FMO2: variants seen among roughly 807,000 people sequenced by gnomAD.
FMO2 encodes the protein flavin-containing monooxygenase 2.
A neutral mutation model predicts 41.6 loss-of-function variants in FMO2; 33 were observed. The observed-to-expected ratio is 0.79, with a 90% CI of 0.60 to 1.06. FMO2 has a LOEUF of 1.06. FMO2 is among the 50% of genes least tolerant of loss of function. The pLI is 0.00. For synonymous variants in FMO2, 214 were observed against 219.6 expected, an observed-to-expected ratio of 0.97 and a Z score of 0.23; for missense variants, 619 against 632.9, an observed-to-expected ratio of 0.98 and a Z score of 0.23.
intron 7 of FMO2, among the ~76,000 whole-genome samples, chr1:171,206,483 G>C (rs1282529120): frequency 6.6e-6 from 1 of 152,218 alleles, no homozygotes; most frequent in Non-Finnish European, 1.5e-5. Context: ...TACTCTTGGA[G>C]AAGAAGGAGA....
chr1:171,204,605 A>G (rs532374092), intron 6 of FMO2, among the ~76,000 whole-genome samples: 13 of 152,194 alleles, frequency 8.5e-5, no homozygotes, highest in Admixed American at 2.0e-4. Flanking sequence ...AAAAAACAGA[A>G]GAGCTTTAGA....
chr1:171,207,612 G>T, intron 7 of FMO2, 106 bp from the exon 8 acceptor site: 1 of 808,462 alleles, frequency 1.2e-6, no homozygotes, highest in Non-Finnish European at 2.1e-6. Flanking sequence ...GCCCTGACTG[G>T]TATGACATGG....
Position 171,205,639 on chromosome 1 carries a change from G to A in FMO2, c.1183+5G>A. The A allele has an allele frequency of 6.3e-7, 1 of 1,583,006 alleles. No homozygotes were observed. On this transcript the variant is annotated splice_donor_5th_base_variant and intron_variant, in intron 7 of 8. Transcript: ENST00000209929. ...GGGTGACAAGAGTTTTCAAAGGTAA[G>A]TGTGTAGGCAGGTGAGTGGCTAAGC...
intron 5 of FMO2, among the ~76,000 whole-genome samples, chr1:171,201,309 A>T (rs1241541488): frequency 6.6e-6 from 1 of 152,150 alleles, no homozygotes; most frequent in African/African-American, 2.4e-5. Flanking sequence ...ATTCCTCCTA[A>T]ATATAATGTT....
At chr1:171,185,980 T>G in intron 2 of FMO2, 135 bp downstream of exon 2, 84 of 938,118 alleles carry the variant, frequency 9.0e-5, no homozygotes, top group Non-Finnish European at 1.2e-4. Flanking sequence ...GATGTGGCCA[T>G]AATGGAACTG....
intron 7 of FMO2, 54 bp downstream of exon 7, chr1:171,205,688 C>A: frequency 8.2e-7 from 1 of 1,225,476 alleles, no homozygotes; most frequent in Non-Finnish European, 1.1e-6. Context: ...TGAAGTTTAT[C>A]AATAATGATA....
At position 171,207,763 on chromosome 1, in the gene FMO2, T is replaced by C. The variant is rs1557985078; in HGVS notation, c.1229T>C (p.Ile410Thr). The C allele has an allele frequency of 6.2e-7, 1 of 1,609,072 alleles. No homozygotes were observed. Among genetic ancestry groups the C allele is most frequent in the Non-Finnish European group, 8.5e-7 (1 of 1,176,022 alleles). Residue 410 changes from isoleucine (I) to threonine (T), a missense_variant, in exon 8 of 9, where the codon ATC (isoleucine) becomes ACC (threonine). Transcript: ENST00000209929. ...GAGAGAACTATGATGATGGACATTA[T>C]CAAAAGGAATGAAAAAAGAATTGAC... ...PSERTMMMDI[I>T]KRNEKRIDLF...
At chr1:171,206,773 A>C (rs1021875667) in intron 7 of FMO2, among the ~76,000 whole-genome samples, 1 of 152,224 alleles carries the variant, frequency 6.6e-6, no homozygotes, top group African/African-American at 2.4e-5. Context: ...GTGGGGAAAG[A>C]CTACAGCCTC....
chr1:171,195,003 C>T (rs964500632), intron 3 of FMO2, among the ~76,000 whole-genome samples: 1 of 152,188 alleles, frequency 6.6e-6, no homozygotes, highest in African/African-American at 2.4e-5. Flanking sequence ...GGTTTTGTAA[C>T]TTTGTGCACT....
chr1:171,202,981 C>T (rs556363831), intron 5 of FMO2, among the ~76,000 whole-genome samples: 1 of 152,164 alleles, frequency 6.6e-6, no homozygotes, highest in African/African-American at 2.4e-5. Context: ...AAAGAATACA[C>T]CTGAAAGAGG....
Position 171,208,675 on chromosome 1 carries a change from A to G in FMO2, c.1257-119A>G, listed in dbSNP as rs1160431474. 7.6e-6 allele frequency: 7 copies of G among 925,220 alleles called. No individual in the cohort carries two copies. The East Asian group carries it at 1.8e-4, about 23-fold the overall frequency. The allele number at this position is 925,220 out of a possible 1,614,324, so 57.3% of individuals were successfully genotyped here. The stretch of plus-strand genomic sequence containing the variant: ...AACTCAAACTTTCCACCAGAGATTC[A>G]TTGAAAACTCATTCACATATTCACT... On this transcript the variant is annotated intron_variant, in intron 8 of 8. Coordinates refer to ENST00000209929, the MANE Select transcript of FMO2 (RefSeq NM_001460.5).
chr1:171,208,110 A>C (rs1294872490), intron 8 of FMO2, among the ~76,000 whole-genome samples: 1 of 152,162 alleles, frequency 6.6e-6, no homozygotes, highest in Non-Finnish European at 1.5e-5. Context: ...CAAGCCACCT[A>C]CACTCTGTGG....
chr1:171,207,777 A>T lies in FMO2; in HGVS notation c.1243A>T (p.Lys415Ter). The T allele has an allele frequency of 1.2e-6, 2 of 1,601,622 alleles. No homozygotes were observed. The highest frequency in any genetic ancestry group is 1.7e-6 in the Non-Finnish European group (2 of 1,169,304). Residue 415 changes from lysine to a stop codon, truncating the protein, a stop_gained, in exon 8 of 9, where the codon AAA becomes TAA. Transcript: ENST00000209929. LOFTEE classifies it low-confidence loss of function (END_TRUNC). ...GATGGACATTATCAAAAGGAATGAA[A>T]AAAGAATTGACCTGTAAGAATTTTT... ...MMMDIIKRNEKRIDLFGESQS... is the reference protein window; with the variant it reads ...MMMDIIKRNE
In FMO2 at chr1:171,210,189, T is replaced by C. The variant is rs1224800542; in HGVS notation, c.*1044T>C. 6.6e-6 allele frequency: 1 copy of C among 152,208 alleles called. No homozygotes were observed. Among genetic ancestry groups the C allele is most frequent in the Non-Finnish European group, 1.5e-5 (1 of 68,030 alleles). The allele number at this position is 152,208 out of a possible 1,614,324, so 9.4% of individuals were successfully genotyped here. Reference sequence around the variant, plus strand: ...ACTTTTATTTATAATTTTTGATTTATATTTCAGCTAGATCTAAAAAGCATC... The same window carrying C: ...ACTTTTATTTATAATTTTTGATTTACATTTCAGCTAGATCTAAAAAGCATC... On this transcript the variant is annotated 3_prime_UTR_variant, in exon 9 of 9. Coordinates refer to ENST00000209929, the MANE Select transcript of FMO2 (RefSeq NM_001460.5).
chr1:171,186,931 T>C (rs1383422848), intron 2 of FMO2, among the ~76,000 whole-genome samples: 1 of 152,232 alleles, frequency 6.6e-6, no homozygotes, highest in Non-Finnish European at 1.5e-5. Flanking sequence ...TATCTCATAG[T>C]GCTATTTTGA....
At chr1:171,194,027 G>A (rs866353916) in intron 3 of FMO2, among the ~76,000 whole-genome samples, 72 of 152,190 alleles carry the variant, frequency 4.7e-4, no homozygotes, top group African/African-American at 1.6e-3. Context: ...TGATCCACCC[G>A]CCTCGGCCCC....
intron 3 of FMO2, among the ~76,000 whole-genome samples, chr1:171,196,163 G>A (rs1557977938): frequency 6.6e-6 from 1 of 152,208 alleles, no homozygotes; most frequent in Admixed American, 6.5e-5. Flanking sequence ...AACTATTTGT[G>A]TATTCAGGGA....
intron 1 of FMO2, 99 bp from the exon 2 acceptor site, chr1:171,185,609 A>G: frequency 8.7e-7 from 1 of 1,147,218 alleles, no homozygotes. Context: ...TTAAATTACC[A>G]CTGCTACAAT....
intron 2 of FMO2, among the ~76,000 whole-genome samples, chr1:171,191,452 G>A (rs926286211): frequency 9.2e-5 from 14 of 152,248 alleles, no homozygotes; most frequent in Non-Finnish European, 1.6e-4. Context: ...TAAATTTAAC[G>A]CTAGTGGCCA....
Sources: gnomAD v4.1 joint callset for allele counts (sites outside exome capture counted in the v4.1 genomes callset) on GRCh38, gnomAD v4.1.1 for gene constraint, MANE v1.5 for transcripts, NCBI Gene and HGNC (gene_info 2026-07-23, HGNC 2026-07-21) for gene names.